The following BRIX1 variants were observed in gnomAD, a reference collection of about 807,000 sequenced individuals.
The protein encoded by BRIX1 is ribosome biogenesis protein BRX1 homolog.
A neutral mutation model predicts 44.0 loss-of-function variants in BRIX1; 15 were observed. That is an observed-to-expected ratio of 0.34 (90% CI 0.23 to 0.53). The LOEUF (loss-of-function observed/expected upper bound fraction) is 0.53. BRIX1 is among the 20% of genes least tolerant of loss of function. The pLI is 0.95. For missense variants in BRIX1, 420 were observed against 432.8 expected (o/e 0.97, Z 0.26); for synonymous variants, 149 against 135.4 (o/e 1.10, Z -0.70).
intron 2 of BRIX1, among the ~76,000 whole-genome samples, chr5:34,919,220 G>A (rs528019281): frequency 3.5e-5 from 5 of 144,400 alleles, no homozygotes; most frequent in Middle Eastern, 3.8e-3. Context: ...AGGCTGTCAT[G>A]AGCCGTGATT....
intron 2 of BRIX1, among the ~76,000 whole-genome samples, chr5:34,919,283 A>T (rs1279687011): frequency 6.7e-6 from 1 of 149,652 alleles, no homozygotes; most frequent in East Asian, 1.9e-4. Flanking sequence ...TCAAAAAAAA[A>T]AAAAAAAAAA....
At position 34,925,515 on chromosome 5, in the gene BRIX1, GT is replaced by G. The variant is rs763647074; in HGVS notation, c.*25del. 1 of 1,590,176 alleles carries G rather than the reference GT, an allele frequency of 6.3e-7. No homozygotes were observed. Among genetic ancestry groups the G allele is most frequent in the Non-Finnish European group, 8.6e-7 (1 of 1,168,978 alleles). On this transcript the variant is annotated 3_prime_UTR_variant, in exon 10 of 10. Transcript: ENST00000336767. ...AAATAAGTCAATGGAAACCTGATTTGTTTTTCAGTTACTTTATATTTATTTT... is the reference window on the plus strand; with the variant it reads ...AAATAAGTCAATGGAAACCTGATTTGTTTTCAGTTACTTTATATTTATTTT...
In BRIX1 at chr5:34,915,770, G is replaced by T. The variant is rs115542979; in HGVS notation, c.32G>T (p.Gly11Val). The T allele has an allele frequency of 1.6e-4, 250 of 1,603,182 alleles. No individual in the cohort carries two copies. The African/African-American group carries it at 3.0e-3, about 19-fold the overall frequency. The change falls in exon 1 of 10, where the codon GGC (glycine) becomes GTC (valine). Residue 11 changes from glycine (G) to valine (V), a missense_variant. By Grantham distance (109) the Gly-to-Val change is moderately radical (BLOSUM62 -3). Transcript: ENST00000336767. Reference sequence around the variant, plus strand: ...GCAACCAAGAGGAAACGGCGTGGAGGCTTTGCAGTTCAGGCGAAGAAGCCA... The same window carrying T: ...GCAACCAAGAGGAAACGGCGTGGAGTCTTTGCAGTTCAGGCGAAGAAGCCA... Reference protein sequence around the residue: MAATKRKRRGGFAVQAKKPKR... With the variant: MAATKRKRRGVFAVQAKKPKR...
At chr5:34,916,949 T>G (rs1269435072) in intron 1 of BRIX1, among the ~76,000 whole-genome samples, 1 of 152,250 alleles carries the variant, frequency 6.6e-6, no homozygotes, top group Non-Finnish European at 1.5e-5. Flanking sequence ...GTTCTCACTC[T>G]TCCCTTGAGC....
intron 3 of BRIX1, chr5:34,920,148 G>A (rs1226350049): frequency 8.2e-6 from 2 of 243,904 alleles, no homozygotes; most frequent in Non-Finnish European, 1.6e-5. Flanking sequence ...GTAGTGTCTA[G>A]TATTATGCTA....
chr5:34,918,659 T>G, intron 2 of BRIX1, 184 bp downstream of exon 2: 1 of 489,928 alleles, frequency 2.0e-6, no homozygotes. Context: ...TAGATTTCAT[T>G]AGGTAGATTC....
In BRIX1 at chr5:34,918,555, T is replaced by C. The variant is rs181573917; in HGVS notation, c.271+80T>C. On this transcript the variant is annotated intron_variant, in intron 2 of 9. Transcript: ENST00000336767. ...ATGTTTTCACTTATTTTATATATTC[T>C]TCATTTGTTCAGTGTTCTCACGAAA... is the stretch of plus-strand genomic sequence containing the variant. 64 of 803,898 alleles carry C rather than the reference T, an allele frequency of 8.0e-5. No individual in the cohort carries two copies. In the African/African-American group the frequency reaches 1.1e-3, roughly 13 times the overall value. 49.8% of individuals were successfully genotyped at this position (803,898 alleles called of 1,614,324 possible). A position where few individuals can be genotyped will look rare whatever the true frequency, so the allele number is the denominator to read the frequency against.
chr5:34,915,939 C>G, intron 1 of BRIX1, 42 bp downstream of exon 1: 1 of 1,496,156 alleles, frequency 6.7e-7, no homozygotes, highest in South Asian at 1.3e-5. Flanking sequence ...GGCGGCGGCT[C>G]TGTGCGCCTT....
chr5:34,918,691 C>G (rs1764171894), intron 2 of BRIX1: 4 of 411,786 alleles, frequency 9.7e-6, no homozygotes, highest in South Asian at 5.5e-5. Flanking sequence ...AAACAGGTGT[C>G]CTAATATTAT....
chr5:34,915,715 C>G lies in BRIX1; in HGVS notation c.-24C>G, dbSNP rs745720692. On this transcript the variant is annotated 5_prime_UTR_variant, in exon 1 of 10. Transcript: ENST00000336767. ...CGAGCGGCAGCGCCGGAAAGGAGGC[C>G]AAGAGCGCGGGCGGCGAGGCAAGAT... The G allele has an allele frequency of 3.2e-6, 5 of 1,586,162 alleles. No individual in the cohort carries two copies. The East Asian group carries it at 6.8e-5, about 22-fold the overall frequency.
At chr5:34,924,754 T>C in intron 8 of BRIX1, 93 bp from the exon 9 acceptor site, 1 of 736,530 alleles carries the variant, frequency 1.4e-6, no homozygotes, top group Non-Finnish European at 2.2e-6. Context: ...GATTATCAAT[T>C]ATTTCAGGCA....
At chr5:34,925,057 A>C in intron 9 of BRIX1, 82 bp downstream of exon 9, 1 of 1,521,706 alleles carries the variant, frequency 6.6e-7, no homozygotes, top group Non-Finnish European at 8.8e-7. Flanking sequence ...TTGCTGTTTT[A>C]TTACCTGTGA....
intron 4 of BRIX1, 32 bp downstream of exon 4, chr5:34,922,319 T>A: frequency 7.6e-7 from 1 of 1,321,466 alleles, no homozygotes; most frequent in Non-Finnish European, 1.1e-6. Context: ...TTGGTTAAAC[T>A]CATTTAAGTG....
intron 5 of BRIX1, 34 bp from the exon 6 acceptor site, chr5:34,922,661 A>G: frequency 6.2e-7 from 1 of 1,601,722 alleles, no homozygotes; most frequent in Non-Finnish European, 8.5e-7. Flanking sequence ...TGCAAAAGTT[A>G]CAACTATTTT....
rs182000950 is a variant in BRIX1, at chr5:34,919,938, A to T, written c.315+55A>T. ...ATTTTTAAAATGTTAACAGTGGCTT[A>T]TTTCAAAACTAAGTCATTCAGTGAC... On this transcript the variant is annotated intron_variant, in intron 3 of 9. Transcript: ENST00000336767. The T allele has an allele frequency of 1.0e-4, 68 of 660,766 alleles. 1 individual carries two copies. In the East Asian group the frequency reaches 2.0e-3, roughly 19 times the overall value. The allele number at this position is 660,766 out of a possible 1,614,324, so 40.9% of individuals were successfully genotyped here. A position where few individuals can be genotyped will look rare whatever the true frequency, so the allele number is the denominator to read the frequency against.
At chr5:34,916,278 A>G (rs1453270681) in intron 1 of BRIX1, 1 of 158,632 alleles carries the variant, frequency 6.3e-6, no homozygotes, top group East Asian at 1.8e-4. Flanking sequence ...ATATACTGCC[A>G]TAGTCAGCCA....
At chr5:34,920,352 C>G (rs1361288256) in intron 3 of BRIX1, 2 of 152,116 alleles carry the variant, frequency 1.3e-5, no homozygotes, top group Non-Finnish European at 2.9e-5. Flanking sequence ...TAAGATACTA[C>G]ACTTAGGTAT....
At chr5:34,924,729 C>T (rs1764315282) in intron 8 of BRIX1, 118 bp from the exon 9 acceptor site, 1 of 602,084 alleles carries the variant, frequency 1.7e-6, no homozygotes, top group Non-Finnish European at 2.9e-6. Flanking sequence ...GTTTCACCCC[C>T]ACCTTGATTT....
chr5:34,922,333 T>C (rs1764258252), intron 4 of BRIX1, 46 bp downstream of exon 4: 1 of 1,215,768 alleles, frequency 8.2e-7, no homozygotes, highest in African/African-American at 1.5e-5. Flanking sequence ...TTAAGTGGAT[T>C]TGTTCTTTGT....
Sources: gnomAD v4.1 joint callset for allele counts (sites outside exome capture counted in the v4.1 genomes callset) on GRCh38, gnomAD v4.1.1 for gene constraint, MANE v1.5 for transcripts, NCBI Gene and HGNC (gene_info 2026-07-23, HGNC 2026-07-21) for gene names.